The following MYT1 variants were observed in gnomAD, a reference collection of about 807,000 sequenced individuals.
MYT1 encodes myelin transcription factor 1.
Under a neutral mutation model 123.0 loss-of-function variants are expected in MYT1, and 23 were observed. That is an observed-to-expected ratio of 0.19 (90% CI 0.13 to 0.26). The LOEUF (loss-of-function observed/expected upper bound fraction) is 0.26. MYT1 is among the 10% of genes least tolerant of loss of function. The pLI is 1.00. For missense variants in MYT1, 1,125 were observed against 1,472.5 expected (o/e 0.76, Z 3.86); for synonymous variants, 518 against 575.3 (o/e 0.90, Z 1.43).
chr20:64,235,634 G>A (rs1164631854), intron 19 of MYT1, among the ~76,000 whole-genome samples: 27 of 145,890 alleles, frequency 1.9e-4, no homozygotes, highest in African/African-American at 6.7e-4. Flanking sequence ...GGTGACCCTG[G>A]GCTGGCCGTG....
intron 15 of MYT1, 22 bp downstream of exon 15, chr20:64,223,195 G>A (rs772461801): frequency 1.7e-5 from 28 of 1,613,978 alleles, no homozygotes; most frequent in South Asian, 1.5e-4. Context: ...GCTCGGGTCC[G>A]TCTGGCCTGG....
chr20:64,241,063 CT>C lies in MYT1; in HGVS notation c.*616del, dbSNP rs1984703310. ...CCCTGTCAGGTCAAGGAATTTTAAC[CT>C]GGGAGACTCCTGAAAATCAGCCTAA... On this transcript the variant is annotated 3_prime_UTR_variant, in exon 23 of 23. Coordinates refer to ENST00000328439, the MANE Select transcript of MYT1 (RefSeq NM_004535.3). The surrounding 1 kb of genome is among the most constrained non-coding windows in gnomAD (Gnocchi z 4.2). The C allele has an allele frequency of 6.6e-6, 1 of 152,504 alleles. No individual in the cohort carries two copies. The highest frequency in any genetic ancestry group is 1.5e-5 in the Non-Finnish European group (1 of 68,308). The allele number at this position is 152,504 out of a possible 1,614,324, so 9.4% of individuals were successfully genotyped here.
chr20:64,217,316 G>A (rs751243419), intron 11 of MYT1, 35 bp downstream of exon 11: 2 of 1,608,180 alleles, frequency 1.2e-6, no homozygotes, highest in South Asian at 1.1e-5. Flanking sequence ...TTTCTCTTCT[G>A]TGTTGCTCCT....
At chr20:64,235,689 G>GGTGGTGGGTGACCCTGGGCTGGCC (rs1984502307) in intron 19 of MYT1, among the ~76,000 whole-genome samples, 3 of 88,848 alleles carry the variant, frequency 3.4e-5, no homozygotes, top group Non-Finnish European at 6.7e-5. Context: ...CTGGGCTGGT[G>GGTGGTGGGTGACCCTGGGCTGGCC]GTGGTGGGTG....
intron 13 of MYT1, among the ~76,000 whole-genome samples, chr20:64,221,499 T>C (rs911401554): frequency 6.6e-6 from 1 of 152,220 alleles, no homozygotes; most frequent in African/African-American, 2.4e-5. Flanking sequence ...TTCATGGCAT[T>C]TCGGTAACAC....
In MYT1 at chr20:64,165,948, G is replaced by T. The variant is rs552887798; in HGVS notation, c.-99+1209G>T. 5.3e-5 allele frequency among the ~76,000 whole-genome samples: 8 copies of T among 152,268 alleles called. No individual in the cohort carries two copies. The East Asian group carries it at 1.5e-3, about 29-fold the overall frequency. On this transcript the variant is annotated intron_variant, in intron 1 of 22. Transcript: ENST00000328439. Reference sequence around the variant, plus strand: ...GGGGGGGCCCACTCGGTGCTGAGGGGTATGCTCTGCCTCTGTCTCCTCTGA... The same window carrying T: ...GGGGGGGCCCACTCGGTGCTGAGGGTTATGCTCTGCCTCTGTCTCCTCTGA...
rs1360470395 is a variant in MYT1, at chr20:64,167,724, C to A, written c.-99+2985C>A. On this transcript the variant is annotated intron_variant, in intron 1 of 22. Coordinates refer to ENST00000328439, the MANE Select transcript of MYT1 (RefSeq NM_004535.3). This position sits in a 1 kb window ranked among gnomAD's most constrained non-coding sequence, Gnocchi z 6.3. ...CCGCAGGGGCTGGGGGGGCTCTTCTCTTTCTTCCTCTCTCCCATCTTCCTC... is the reference window on the plus strand; with the variant it reads ...CCGCAGGGGCTGGGGGGGCTCTTCTATTTCTTCCTCTCTCCCATCTTCCTC... 6.6e-6 allele frequency among the ~76,000 whole-genome samples: 1 copy of A among 152,154 alleles called. No individual in the cohort carries two copies. The highest frequency in any genetic ancestry group is 2.4e-5 in the African/African-American group (1 of 41,426).
chr20:64,170,459 A>AT lies in MYT1; in HGVS notation c.-99+5724dup, dbSNP rs542482069. On this transcript the variant is annotated intron_variant, in intron 1 of 22. Coordinates refer to ENST00000328439, the MANE Select transcript of MYT1 (RefSeq NM_004535.3). Reference sequence around the variant, plus strand: ...AAGTCTGGACCAGGGAAGGATCCACATTTTAGCTTTGAGGTTGGAAGGACA... The same window carrying AT: ...AAGTCTGGACCAGGGAAGGATCCACATTTTTAGCTTTGAGGTTGGAAGGACA... Among the ~76,000 whole-genome samples the AT allele has an allele frequency of 5.3e-4, 81 of 152,196 alleles. No individual in the cohort carries two copies. The East Asian group carries it at 0.015, about 28-fold the overall frequency.
At chr20:64,177,110 G>C (rs921192149) in intron 1 of MYT1, among the ~76,000 whole-genome samples, 1 of 152,246 alleles carries the variant, frequency 6.6e-6, no homozygotes, top group African/African-American at 2.4e-5. Context: ...TATGATGCTG[G>C]AAGTTACATC....
In MYT1 at chr20:64,208,438, G is replaced by A. The variant is rs767401391; in HGVS notation, c.1242G>A (p.Gly414=). The A allele has an allele frequency of 1.2e-6, 2 of 1,612,942 alleles. No homozygotes were observed. Among genetic ancestry groups the A allele is most frequent in the Non-Finnish European group, 1.7e-6 (2 of 1,179,864 alleles). ...EQSQLGLGEP[G]KAAKPLDTVR... is the part of the protein sequence containing the mutation. ...GCCAGCTGGGCCTGGGAGAGCCAGGGAAGGCAGCAAAGCCCCTGGACACTG... is the reference window on the plus strand; with the variant it reads ...GCCAGCTGGGCCTGGGAGAGCCAGGAAAGGCAGCAAAGCCCCTGGACACTG... Residue 414 remains glycine, a synonymous_variant, in exon 7 of 23, where the codon GGG becomes GGA. Coordinates refer to ENST00000328439, the MANE Select transcript of MYT1 (RefSeq NM_004535.3). This position sits in a 1 kb window ranked among gnomAD's most constrained non-coding sequence, Gnocchi z 5.4.
chr20:64,215,094 CT>C (rs1983796506), intron 10 of MYT1, among the ~76,000 whole-genome samples: 1 of 152,194 alleles, frequency 6.6e-6, no homozygotes, highest in Non-Finnish European at 1.5e-5. Context: ...TTTGAAGCTG[CT>C]TTTTTCCTCT....
At chr20:64,181,773 C>T (rs771106327) in intron 1 of MYT1, among the ~76,000 whole-genome samples, 12 of 152,254 alleles carry the variant, frequency 7.9e-5, no homozygotes, top group Non-Finnish European at 1.5e-4. Flanking sequence ...TGGCAGTTCT[C>T]AGACTGCGGT....
chr20:64,207,654 C>G lies in MYT1; in HGVS notation c.458C>G (p.Ser153Cys). The change falls in exon 7 of 23, where the codon TCC becomes TGC. Residue 153 changes from serine to cysteine, a missense_variant. By Grantham distance (112) the Ser-to-Cys change is moderately radical. Coordinates refer to ENST00000328439, the MANE Select transcript of MYT1 (RefSeq NM_004535.3). ...SNPIGSATAS[S>C]KGSYSSYQGI... ...CCCATCGGCAGCGCCACTGCCTCCT[C>G]CAAGGGCAGCTACAGCAGCTACCAG... The G allele has an allele frequency of 6.2e-7, 1 of 1,614,032 alleles. No individual in the cohort carries two copies. Among genetic ancestry groups the G allele is most frequent in the Non-Finnish European group, 8.5e-7 (1 of 1,180,026 alleles).
intron 4 of MYT1, among the ~76,000 whole-genome samples, chr20:64,201,856 C>G (rs942479037): frequency 1.3e-5 from 2 of 152,056 alleles, no homozygotes; most frequent in African/African-American, 2.4e-5. Flanking sequence ...GACCATGGCA[C>G]TGGATGAGCT....
At position 64,172,456 on chromosome 20, in the gene MYT1, A is replaced by T. The variant is rs552067319; in HGVS notation, c.-99+7717A>T. On this transcript the variant is annotated intron_variant, in intron 1 of 22. Transcript: ENST00000328439. ...TGAGCCAGCGTGTGGGCTCATCCTGACCCTAAAGGGAATGTGAGATGCCCC... is the reference window on the plus strand; with the variant it reads ...TGAGCCAGCGTGTGGGCTCATCCTGTCCCTAAAGGGAATGTGAGATGCCCC... Among the ~76,000 whole-genome samples, 3 of 152,302 alleles carry T rather than the reference A, an allele frequency of 2.0e-5. No individual in the cohort carries two copies. In the East Asian group the frequency reaches 5.8e-4, roughly 29 times the overall value.
intron 2 of MYT1, 124 bp from the exon 3 acceptor site, chr20:64,198,738 T>C: frequency 4.9e-6 from 5 of 1,010,528 alleles, no homozygotes; most frequent in Non-Finnish European, 7.6e-6. Context: ...CTTGTCATTC[T>C]GTGCCCAAAA....
chr20:64,207,909 A>G lies in MYT1; in HGVS notation c.713A>G (p.Gln238Arg), dbSNP rs1287635225. ...TTERSQDLCP[Q>R]SLEDAASEES... Reference sequence around the variant, plus strand: ...GAGCGCTCCCAGGACCTGTGTCCCCAGTCCCTGGAGGATGCAGCCAGTGAG... The same window carrying G: ...GAGCGCTCCCAGGACCTGTGTCCCCGGTCCCTGGAGGATGCAGCCAGTGAG... The change falls in exon 7 of 23, where the codon CAG becomes CGG. Residue 238 changes from glutamine to arginine, a missense_variant. Coordinates refer to ENST00000328439, the MANE Select transcript of MYT1 (RefSeq NM_004535.3). The G allele has an allele frequency of 1.2e-6, 2 of 1,612,654 alleles. No individual in the cohort carries two copies. Among genetic ancestry groups the G allele is most frequent in the Non-Finnish European group, 1.7e-6 (2 of 1,179,582 alleles).
At position 64,202,182 on chromosome 20, in the gene MYT1, G is replaced by A. The variant is rs1488979339; in HGVS notation, c.86+2260G>A. Among the ~76,000 whole-genome samples, 2 of 152,230 alleles carry A rather than the reference G, an allele frequency of 1.3e-5. No individual in the cohort carries two copies. Among genetic ancestry groups the A allele is most frequent in the African/African-American group, 4.8e-5 (2 of 41,466 alleles). ...CCCACCAGCTCAGGCAGAGCTCCCAGGAAGACAGTCCATTGGTTGTTTACC... is the reference window on the plus strand; with the variant it reads ...CCCACCAGCTCAGGCAGAGCTCCCAAGAAGACAGTCCATTGGTTGTTTACC... On this transcript the variant is annotated intron_variant, in intron 4 of 22. Transcript: ENST00000328439. This position sits in a 1 kb window ranked among gnomAD's most constrained non-coding sequence, Gnocchi z 5.0.
intron 1 of MYT1, among the ~76,000 whole-genome samples, chr20:64,182,667 C>T (rs1982687212): frequency 6.6e-6 from 1 of 152,116 alleles, no homozygotes; most frequent in African/African-American, 2.4e-5. Context: ...ATCCCTGGAC[C>T]CAGCCCTCCC....
Sources: allele counts gnomAD v4.1 joint callset (sites outside exome capture counted in the v4.1 genomes callset), GRCh38; gene constraint gnomAD v4.1.1; non-coding constraint Gnocchi (gnomAD v3.1); transcripts MANE v1.5; gene names NCBI Gene and HGNC (gene_info 2026-07-23, HGNC 2026-07-21).